HAPLN1: variants seen among roughly 807,000 people sequenced by gnomAD.
HAPLN1 encodes Cartilage link protein.
Under a neutral mutation model 36.5 loss-of-function variants are expected in HAPLN1, and 13 were observed. The ratio of observed to expected loss-of-function variants is 0.36; its 90% CI spans 0.23 to 0.57. The LOEUF (loss-of-function observed/expected upper bound fraction) is 0.57. Ranked by LOEUF, HAPLN1 falls within the 20% of genes least tolerant of loss-of-function variation. The pLI is 0.83. For missense variants in HAPLN1, 407 were observed against 439.7 expected (o/e 0.93, Z 0.66); for synonymous variants, 202 against 169.8 (o/e 1.19, Z -1.48).
intron 2 of HAPLN1, among the ~76,000 whole-genome samples, chr5:83,662,237 C>T (rs957061040): frequency 2.1e-4 from 32 of 152,054 alleles, no homozygotes; most frequent in Admixed American, 6.6e-5. Context: ...ATGGTGAGTG[C>T]TAAATGAGAT....
At chr5:83,650,763 T>C (rs1345527796) in intron 3 of HAPLN1, among the ~76,000 whole-genome samples, 1 of 151,144 alleles carries the variant, frequency 6.6e-6, no homozygotes, top group Admixed American at 6.6e-5. Context: ...GCTTCCCGAG[T>C]AGCTGGGACT....
intron 3 of HAPLN1, among the ~76,000 whole-genome samples, chr5:83,650,675 C>A (rs368445808): frequency 9.1e-4 from 135 of 148,502 alleles, no homozygotes; most frequent in African/African-American, 3.2e-3. Flanking sequence ...TGCTCTGTCG[C>A]CCAGGCTGGA....
intron 1 of HAPLN1, among the ~76,000 whole-genome samples, chr5:83,682,980 T>G (rs1751041955): frequency 6.6e-6 from 1 of 152,170 alleles, no homozygotes; most frequent in Non-Finnish European, 1.5e-5. Flanking sequence ...GAATCTTAGC[T>G]AGAAACTACT....
chr5:83,678,219 G>T (rs1037883927), intron 1 of HAPLN1, among the ~76,000 whole-genome samples: 3 of 135,640 alleles, frequency 2.2e-5, no homozygotes, highest in Non-Finnish European at 4.8e-5. Flanking sequence ...TCTATAGTTT[G>T]GGTGTGTGTG....
chr5:83,715,003 G>C (rs1262519623), intron 1 of HAPLN1, among the ~76,000 whole-genome samples: 3 of 152,208 alleles, frequency 2.0e-5, no homozygotes, highest in Admixed American at 2.0e-4. Flanking sequence ...CAGCTGAAAG[G>C]AGCCAGTAGT....
chr5:83,678,175 T>G (rs1303435744), intron 1 of HAPLN1, among the ~76,000 whole-genome samples: 1 of 151,906 alleles, frequency 6.6e-6, no homozygotes, highest in East Asian at 1.9e-4. Flanking sequence ...TTATGTTCAT[T>G]TTTCCTCTCT....
chr5:83,652,767 C>T lies in HAPLN1; in HGVS notation c.158G>A (p.Arg53Lys), dbSNP rs770973771. ...EAEQAKVFSH[R>K]GGNVTLPCKF... ...ACATGGCAGTGTAACATTGCCACCTCTGTGTGAAAACACCTTGGCTTGCTC... is the reference window on the plus strand; with the variant it reads ...ACATGGCAGTGTAACATTGCCACCTTTGTGTGAAAACACCTTGGCTTGCTC... Residue 53 changes from arginine (R) to lysine (K), a missense_variant, in exon 3 of 5, where the codon AGA becomes AAA. Transcript: ENST00000274341. 50 of 1,613,502 alleles carry T rather than the reference C, an allele frequency of 3.1e-5. No homozygotes were observed. The highest frequency in any genetic ancestry group is 2.8e-4 in the Admixed American group (17 of 59,990).
At chr5:83,670,547 T>C (rs1264488095) in intron 2 of HAPLN1, among the ~76,000 whole-genome samples, 2 of 152,252 alleles carry the variant, frequency 1.3e-5, no homozygotes, top group African/African-American at 2.4e-5. Context: ...GAAATTTTTA[T>C]CTAAAGCTAA....
At chr5:83,678,488 T>C (rs1198152475) in intron 1 of HAPLN1, among the ~76,000 whole-genome samples, 1 of 152,204 alleles carries the variant, frequency 6.6e-6, no homozygotes, top group Non-Finnish European at 1.5e-5. Flanking sequence ...CCGTGGTTTA[T>C]TTTCTGTAAG....
intron 1 of HAPLN1, among the ~76,000 whole-genome samples, chr5:83,697,641 C>T (rs1264987899): frequency 1.3e-5 from 2 of 152,172 alleles, no homozygotes; most frequent in Non-Finnish European, 2.9e-5. Context: ...GTTTTATGTT[C>T]ATGCAACCAT....
At chr5:83,660,328 T>A (rs1317505863) in intron 2 of HAPLN1, among the ~76,000 whole-genome samples, 1 of 152,164 alleles carries the variant, frequency 6.6e-6, no homozygotes, top group Non-Finnish European at 1.5e-5. Context: ...AAAATGAAGA[T>A]AAATTCTATC....
chr5:83,715,461 A>G (rs1751896412), intron 1 of HAPLN1, among the ~76,000 whole-genome samples: 1 of 152,158 alleles, frequency 6.6e-6, no homozygotes, highest in South Asian at 2.1e-4. Context: ...TACTTGGCAA[A>G]TTTTACTAGT....
At chr5:83,694,027 A>C (rs894416324) in intron 1 of HAPLN1, among the ~76,000 whole-genome samples, 1 of 152,008 alleles carries the variant, frequency 6.6e-6, no homozygotes. Flanking sequence ...ACCACTTACC[A>C]AGATAAACTA....
chr5:83,658,735 A>C (rs183512669), intron 2 of HAPLN1, among the ~76,000 whole-genome samples: 32 of 152,222 alleles, frequency 2.1e-4, no homozygotes, highest in Non-Finnish European at 3.5e-4. Flanking sequence ...TAATGTGTCT[A>C]ATCAGATCGC....
chr5:83,680,556 A>G (rs1254465082), intron 1 of HAPLN1, among the ~76,000 whole-genome samples: 1 of 152,194 alleles, frequency 6.6e-6, no homozygotes, highest in Non-Finnish European at 1.5e-5. Flanking sequence ...TCCATAATTA[A>G]TAGTCTGTTT....
intron 3 of HAPLN1, among the ~76,000 whole-genome samples, chr5:83,650,347 T>G (rs566434994): frequency 6.6e-6 from 1 of 152,290 alleles, no homozygotes; most frequent in African/African-American, 2.4e-5. Context: ...TTATAGAAAT[T>G]TGTTTGTGCC....
intron 1 of HAPLN1, among the ~76,000 whole-genome samples, chr5:83,684,087 G>C (rs1025514365): frequency 5.3e-5 from 8 of 152,114 alleles, no homozygotes; most frequent in Admixed American, 5.2e-4. Context: ...GAAGAGACCA[G>C]CAGCATGGCC....
In HAPLN1 at chr5:83,652,484, A is replaced by G; in HGVS notation, c.441T>C (p.Asp147=). The G allele has an allele frequency of 1.2e-6, 2 of 1,614,060 alleles. No individual in the cohort carries two copies. The highest frequency in any genetic ancestry group is 1.7e-6 in the Non-Finnish European group (2 of 1,179,940). ...YKCEVIEGLE[D]DTVVVALDLQ... The stretch of plus-strand genomic sequence containing the variant: ...AGTCCAGTGCTACCACAACAGTATC[A>G]TCTTCTAATCCTTCAATCACCTCAC... The change falls in exon 3 of 5, where the codon GAT becomes GAC. Residue 147 remains aspartate (D), a synonymous_variant. Transcript: ENST00000274341.
intron 1 of HAPLN1, among the ~76,000 whole-genome samples, chr5:83,692,740 T>A (rs1751308832): frequency 6.6e-6 from 1 of 151,938 alleles, no homozygotes; most frequent in Admixed American, 6.6e-5. Context: ...ATTATGTAAA[T>A]GTTTTTCAAA....
Sources: allele counts gnomAD v4.1 joint callset (sites outside exome capture counted in the v4.1 genomes callset), GRCh38; gene constraint gnomAD v4.1.1; transcripts MANE v1.5; gene names NCBI Gene and HGNC (gene_info 2026-07-23, HGNC 2026-07-21).